The following TXNDC8 variants were observed in gnomAD, a reference collection of about 807,000 sequenced individuals.
TXNDC8 encodes the protein thioredoxin domain containing 8.
TXNDC8 carries 15 observed loss-of-function variants against 12.9 expected under a neutral mutation model. The ratio of observed to expected loss-of-function variants is 1.16; its 90% confidence interval spans 0.78 to 1.79. The LOEUF is 1.79. TXNDC8 is among the 40% of genes most tolerant of loss of function. TXNDC8 has a pLI of 0.00. For synonymous variants in TXNDC8, 40 were observed against 35.4 expected, an observed-to-expected ratio of 1.13 and a Z score of -0.46; for missense variants, 128 against 113.2, an observed-to-expected ratio of 1.13 and a Z score of -0.59.
At chr9:110,336,505 A>G (rs187449598) in intron 1 of TXNDC8, among the ~76,000 whole-genome samples, 55 of 152,238 alleles carry the variant, frequency 3.6e-4, no homozygotes, top group Non-Finnish European at 6.5e-4. Context: ...AATTGGACCC[A>G]TGAACTTGAC....
chr9:110,303,516 T>A lies in TXNDC8; in HGVS notation c.*166A>T. The A allele has an allele frequency of 6.6e-7, 1 of 1,524,906 alleles. No individual in the cohort carries two copies. The highest frequency in any genetic ancestry group is 8.9e-7 in the Non-Finnish European group (1 of 1,129,528). The allele number at this position is 1,524,906 out of a possible 1,614,324, so 94.5% of individuals were successfully genotyped here. On this transcript the variant is annotated 3_prime_UTR_variant, in exon 5 of 5. Transcript: ENST00000423740. ...TCACAAGTGTATTTTGCCTTGGAGA[T>A]CAGCTTACATTAATTCTTGAGTCTT...
intron 1 of TXNDC8, 55 bp downstream of exon 1, chr9:110,337,718 C>A: frequency 6.4e-7 from 1 of 1,558,738 alleles, no homozygotes; most frequent in Non-Finnish European, 8.8e-7. Flanking sequence ...TTTTTCAAAT[C>A]TGTTCCCAAG....
Position 110,334,285 on chromosome 9 carries a change from G to T in TXNDC8, c.60C>A (p.His20Gln), listed in dbSNP as rs1204725196. 11 of 1,613,710 alleles carry T rather than the reference G, an allele frequency of 6.8e-6. No homozygotes were observed. Among genetic ancestry groups the T allele is most frequent in the Non-Finnish European group, 7.6e-6 (9 of 1,179,736 alleles). The change falls in exon 2 of 5, where the codon CAC becomes CAA. Residue 20 changes from histidine to glutamine, a missense_variant. Coordinates refer to ENST00000423740, the MANE Select transcript of TXNDC8 (RefSeq NM_001286946.2). Reference sequence around the variant, plus strand: ...AAGAAAATTGAACCACTGCGAGTTTGTGTCCGGCAGCTGTCAAAAATGTTT... The same window carrying T: ...AAGAAAATTGAACCACTGCGAGTTTTTGTCCGGCAGCTGTCAAAAATGTTT...
rs1564093309 is a variant in TXNDC8 at position 110,305,860 on chromosome 9, T to TTC, written c.196-1329_196-1328insGA. Among the ~76,000 whole-genome samples, 31 of 85,218 alleles carry TTC rather than the reference T, an allele frequency of 3.6e-4. 2 individuals are homozygous for TTC. Among genetic ancestry groups the TTC allele is most frequent in the South Asian group, 1.4e-3 (4 of 2,914 alleles). The allele number at this position is 85,218 out of a possible 152,430, so 55.9% of individuals were successfully genotyped here. A position where few individuals can be genotyped will look rare whatever the true frequency, so the allele number is the denominator to read the frequency against. Reference sequence around the variant, plus strand: ...TCCTTTCTTTTCTTTTCTTTCTTTTTCTTTTCTTTTCTTTTCTTTTTTTGA... The same window carrying TTC: ...TCCTTTCTTTTCTTTTCTTTCTTTTTTCCTTTTCTTTTCTTTTCTTTTTTTGA... On this transcript the variant is annotated intron_variant, in intron 3 of 4. Coordinates refer to ENST00000423740, the MANE Select transcript of TXNDC8 (RefSeq NM_001286946.2).
At chr9:110,328,431 AAC>A (rs1839421696) in intron 2 of TXNDC8, among the ~76,000 whole-genome samples, 1 of 152,224 alleles carries the variant, frequency 6.6e-6, no homozygotes, top group Non-Finnish European at 1.5e-5. Context: ...GCTTCAAAAA[AAC>A]ACACAAAAAG....
At chr9:110,306,353 G>T (rs149378986) in intron 3 of TXNDC8, among the ~76,000 whole-genome samples, 569 of 152,298 alleles carry the variant, frequency 3.7e-3, no homozygotes, top group Middle Eastern at 0.017. Flanking sequence ...CTTTAGCAAT[G>T]GCTATATAAC....
intron 3 of TXNDC8, 39 bp downstream of exon 4, chr9:110,326,136 T>C (rs1299427185): frequency 5.0e-6 from 8 of 1,610,698 alleles, no homozygotes; most frequent in Middle Eastern, 1.7e-4. Context: ...GATGGTTCTA[T>C]AATCTAATTC....
chr9:110,302,164 A>T (rs138957416), downstream of TXNDC8, among the ~76,000 whole-genome samples: 358 of 145,074 alleles, frequency 2.5e-3, 3 homozygotes, highest in Non-Finnish European at 1.7e-3. Flanking sequence ...TAATTTTTGT[A>T]TTTTTTTTTT....
At chr9:110,307,501 CT>C in intron 3 of TXNDC8, among the ~76,000 whole-genome samples, 1 of 152,262 alleles carries the variant, frequency 6.6e-6, no homozygotes, top group South Asian at 2.1e-4. Flanking sequence ...GCACAGATAG[CT>C]TTCTTTTGAA....
chr9:110,318,518 C>T (rs556444237), intron 3 of TXNDC8, among the ~76,000 whole-genome samples: 8 of 152,156 alleles, frequency 5.3e-5, no homozygotes, highest in African/African-American at 1.4e-4. Context: ...AGGTGGATCA[C>T]GAGGTCAGGA....
chr9:110,327,345 G>A (rs1432259173), intron 2 of TXNDC8, among the ~76,000 whole-genome samples: 5 of 146,956 alleles, frequency 3.4e-5, no homozygotes, highest in Non-Finnish European at 7.5e-5. Flanking sequence ...TTTTTGAGAT[G>A]GAATTTCGCT....
chr9:110,329,418 T>C, intron 2 of TXNDC8, 127 bp from the exon 3 acceptor site: 1 of 693,154 alleles, frequency 1.4e-6, no homozygotes, highest in South Asian at 1.9e-5. Flanking sequence ...AGCATCATTC[T>C]GACATTTCAC....
rs796371768 is a variant in TXNDC8, at chr9:110,323,670, T to C, written c.195+2505A>G. 21 of 520,978 alleles carry C rather than the reference T, an allele frequency of 4.0e-5. No homozygotes were observed. In the African/African-American group the frequency reaches 4.1e-4, roughly 10 times the overall value. 32.3% of individuals were successfully genotyped at this position (520,978 alleles called of 1,614,324 possible). A position where few individuals can be genotyped will look rare whatever the true frequency, so the allele number is the denominator to read the frequency against. On this transcript the variant is annotated intron_variant, in intron 3 of 4. Transcript: ENST00000423740. ...CAGAGAAACCAACCCAGAGTTTACA[T>C]AGCTGAAGAATCTATGGGGATAGTG...
At chr9:110,327,397 A>C (rs1458760630) in intron 2 of TXNDC8, among the ~76,000 whole-genome samples, 1 of 151,080 alleles carries the variant, frequency 6.6e-6, no homozygotes, top group African/African-American at 2.4e-5. Context: ...ATCTGGGCTC[A>C]CTGCAACCTC....
chr9:110,312,430 G>T lies in TXNDC8; in HGVS notation c.196-7898C>A, dbSNP rs1052362083. Among the ~76,000 whole-genome samples, 5 of 152,164 alleles carry T rather than the reference G, an allele frequency of 3.3e-5. No individual in the cohort carries two copies. The East Asian group carries it at 7.7e-4, about 23-fold the overall frequency. ...CAATAAAAGTCCCTTGGGAAAACTG[G>T]CCTCATACCTTGTCTACACAGTTTC... On this transcript the variant is annotated intron_variant, in intron 3 of 4. Transcript: ENST00000423740.
intron 1 of TXNDC8, among the ~76,000 whole-genome samples, chr9:110,335,665 T>G (rs1285680904): frequency 6.6e-6 from 1 of 152,166 alleles, no homozygotes; most frequent in Non-Finnish European, 1.5e-5. Flanking sequence ...GCAGCCTGAC[T>G]CCAGTTCCTA....
intron 3 of TXNDC8, among the ~76,000 whole-genome samples, chr9:110,325,340 G>T (rs1176424530): frequency 6.6e-6 from 1 of 151,994 alleles, no homozygotes; most frequent in East Asian, 1.9e-4. Flanking sequence ...GGAAAACTAA[G>T]ATATAAACAG....
chr9:110,327,782 T>C (rs930468848), intron 2 of TXNDC8, among the ~76,000 whole-genome samples: 1 of 152,142 alleles, frequency 6.6e-6, no homozygotes, highest in African/African-American at 2.4e-5. Context: ...TGCCTAGGAT[T>C]GGGGGGTGGA....
At chr9:110,308,343 T>C (rs1838536727) in intron 3 of TXNDC8, among the ~76,000 whole-genome samples, 1 of 152,246 alleles carries the variant, frequency 6.6e-6, no homozygotes, top group Non-Finnish European at 1.5e-5. Context: ...ATTTTTTTGC[T>C]GGTTCTTCAG....
Sources: gnomAD v4.1 joint callset for allele counts (sites outside exome capture counted in the v4.1 genomes callset) on GRCh38, gnomAD v4.1.1 for gene constraint, MANE v1.5 for transcripts, NCBI Gene and HGNC (gene_info 2026-07-23, HGNC 2026-07-21) for gene names.